Variants in AKAP9 observed in about 807,000 individuals in gnomAD.
The protein encoded by AKAP9 is A-kinase anchor protein 9.
In AKAP9, 311 loss-of-function variants were observed where a neutral mutation model predicts 488.5. That is an observed-to-expected ratio of 0.64 (90% CI 0.58 to 0.70). AKAP9 has a LOEUF of 0.70. Among genes scored for constraint, AKAP9 ranks in the 30% least tolerant of loss-of-function variants. The pLI is 0.00. For missense variants in AKAP9, 4,215 were observed against 4,374.5 expected, an observed-to-expected ratio of 0.96 and a Z score of 1.03; for synonymous variants, 1,462 against 1,483.5, an observed-to-expected ratio of 0.99 and a Z score of 0.33.
intron 37 of AKAP9, 27 bp downstream of exon 37, chr7:92,086,443 A>C: frequency 1.9e-6 from 3 of 1,553,234 alleles, no homozygotes; most frequent in Non-Finnish European, 2.7e-6. Context: ...TTTTAAAAAC[A>C]CTTTAATAGA....
rs1258257413 is a variant in AKAP9, at chr7:92,093,146, G to A, written c.9408G>A (p.Met3136Ile). The change falls in exon 39 of 50, where the codon ATG (methionine) becomes ATA (isoleucine). Residue 3136 changes from methionine (M) to isoleucine (I), a missense_variant. Met to Ile is a conservative substitution (Grantham distance 10). Transcript: ENST00000356239. ...IQQKQSQMLE[M>I]QVELSSMKDR... Reference sequence around the variant, plus strand: ...AGAAGCAGTCTCAAATGCTGGAGATGCAAGTGGAGCTCAGCAGTATGAAAG... The same window carrying A: ...AGAAGCAGTCTCAAATGCTGGAGATACAAGTGGAGCTCAGCAGTATGAAAG... The A allele has an allele frequency of 6.2e-7, 1 of 1,614,186 alleles. No individual in the cohort carries two copies. The highest frequency in any genetic ancestry group is 8.5e-7 in the Non-Finnish European group (1 of 1,180,032).
chr7:92,075,395 T>C (rs969842152), intron 28 of AKAP9, among the ~76,000 whole-genome samples: 2 of 152,378 alleles, frequency 1.3e-5, no homozygotes, highest in Non-Finnish European at 2.9e-5. Flanking sequence ...GAAGAAGATA[T>C]AATCATTGCA....
intron 1 of AKAP9, among the ~76,000 whole-genome samples, chr7:91,957,565 G>A (rs1335153360): frequency 6.6e-6 from 1 of 152,178 alleles, no homozygotes; most frequent in East Asian, 1.9e-4. Context: ...CTTATAGTTT[G>A]AAATGTATCA....
chr7:92,109,544 G>A (rs1819036376), intron 49 of AKAP9, among the ~76,000 whole-genome samples: 1 of 152,134 alleles, frequency 6.6e-6, no homozygotes, highest in African/African-American at 2.4e-5. Flanking sequence ...CCAACTTTGA[G>A]AGCACTTTAA....
At position 92,105,689 on chromosome 7, in the gene AKAP9, T is replaced by G. The variant is rs779122050; in HGVS notation, c.11342T>G (p.Leu3781Trp). ...VSIAISRMKF[L>W]VRRWHRVTGS... Reference sequence around the variant, plus strand: ...GGAATCTTTTTTAGAATGAAATTTTTGGTTCGACGGTGGCATCGAGTCACA... The same window carrying G: ...GGAATCTTTTTTAGAATGAAATTTTGGGTTCGACGGTGGCATCGAGTCACA... The change falls in exon 47 of 50, where the codon TTG becomes TGG. Residue 3781 changes from leucine to tryptophan, a missense_variant. By Grantham distance (61) the Leu-to-Trp change is moderately conservative (BLOSUM62 -2). Transcript: ENST00000356239. 2.5e-6 allele frequency: 4 copies of G among 1,614,024 alleles called. No individual in the cohort carries two copies. Among genetic ancestry groups the G allele is most frequent in the Non-Finnish European group, 3.4e-6 (4 of 1,179,846 alleles).
chr7:92,029,414 AG>A (rs1392571829), intron 14 of AKAP9, among the ~76,000 whole-genome samples: 2 of 152,232 alleles, frequency 1.3e-5, no homozygotes, highest in African/African-American at 4.8e-5. Context: ...GTATGTTAAA[AG>A]AAGTTTCTCA....
In AKAP9 at chr7:91,940,947, G is replaced by C; in HGVS notation, c.-153G>C. On this transcript the variant is annotated 5_prime_UTR_variant, in exon 1 of 50. Coordinates refer to ENST00000356239, the MANE Select transcript of AKAP9 (RefSeq NM_005751.5). ...TGAGGACGATCCGCCAGTGAGCGCG[G>C]AGACTGCTTCCACTTCGGGCGGGGG... 2 of 803,016 alleles carry C rather than the reference G, an allele frequency of 2.5e-6. No individual in the cohort carries two copies. The highest frequency in any genetic ancestry group is 1.5e-5 in the South Asian group (1 of 68,160). The allele number at this position is 803,016 out of a possible 1,614,324, so 49.7% of individuals were successfully genotyped here. A position where few individuals can be genotyped will look rare whatever the true frequency, so the allele number is the denominator to read the frequency against.
chr7:91,967,069 C>T (rs927125843), intron 1 of AKAP9, among the ~76,000 whole-genome samples: 1 of 151,552 alleles, frequency 6.6e-6, no homozygotes, highest in African/African-American at 2.4e-5. Context: ...ATTTTATATT[C>T]TTTGTAGCTA....
rs777074383 is a variant in AKAP9 at position 92,083,525 on chromosome 7, T to C, written c.8516T>C (p.Ile2839Thr). ...ATGCAAGAACTACATGCTGCTGAAA[T>C]TTTGGACATGGAATCCAGACATATT... ...EKMQELHAAE[I>T]LDMESRHISE... Residue 2839 changes from isoleucine (I) to threonine (T), a missense_variant, in exon 33 of 50, where the codon ATT (isoleucine) becomes ACT (threonine). Physicochemically the swap from Ile to Thr is moderately conservative, Grantham distance 89. Transcript: ENST00000356239. 1 of 1,604,826 alleles carries C rather than the reference T, an allele frequency of 6.2e-7. No individual in the cohort carries two copies. Among genetic ancestry groups the C allele is most frequent in the South Asian group, 1.1e-5 (1 of 89,368 alleles).
chr7:92,016,662 C>A (rs1185370111), intron 11 of AKAP9, among the ~76,000 whole-genome samples: 1 of 151,848 alleles, frequency 6.6e-6, no homozygotes, highest in Non-Finnish European at 1.5e-5. Flanking sequence ...ATATTAGTAT[C>A]TTTCTTAATA....
At chr7:91,994,875 T>C in intron 6 of AKAP9, 99 bp downstream of exon 6, 1 of 1,093,008 alleles carries the variant, frequency 9.1e-7, no homozygotes, top group Non-Finnish European at 1.3e-6. Flanking sequence ...AAAAGCCATT[T>C]CGTATTATAT....
At chr7:92,065,808 C>G (rs1212834126) in intron 25 of AKAP9, among the ~76,000 whole-genome samples, 2 of 152,118 alleles carry the variant, frequency 1.3e-5, no homozygotes, top group Non-Finnish European at 2.9e-5. Context: ...AATGGGCCAC[C>G]ACTGCTTCAC....
intron 1 of AKAP9, among the ~76,000 whole-genome samples, chr7:91,968,041 C>T (rs560971129): frequency 6.6e-5 from 10 of 152,074 alleles, no homozygotes; most frequent in African/African-American, 1.9e-4. Flanking sequence ...GGGCTCAAGC[C>T]GTCTTCCCAT....
chr7:92,081,201 A>G (rs1484441425), intron 31 of AKAP9, among the ~76,000 whole-genome samples: 1 of 152,112 alleles, frequency 6.6e-6, no homozygotes, highest in South Asian at 2.1e-4. Context: ...AATAATAAGT[A>G]TGAAAATATG....
At chr7:92,094,959 C>T in intron 39 of AKAP9, 64 bp from the exon 40 acceptor site, 1 of 1,497,734 alleles carries the variant, frequency 6.7e-7, no homozygotes, top group Non-Finnish European at 9.3e-7. Context: ...AGCTGTTTTT[C>T]TCTCTCTCAT....
At chr7:92,052,261 C>T (rs1159860609) in intron 21 of AKAP9, among the ~76,000 whole-genome samples, 1 of 143,974 alleles carries the variant, frequency 6.9e-6, no homozygotes, top group Non-Finnish European at 1.5e-5. Context: ...AAAATCCAAG[C>T]ACTTATTTCT....
In AKAP9 at chr7:92,102,601, A is replaced by T; in HGVS notation, c.11105A>T (p.Tyr3702Phe). The change falls in exon 46 of 50, where the codon TAT becomes TTT. Residue 3702 changes from tyrosine (Y) to phenylalanine (F), a missense_variant. Around this residue, in one of 5 missense-constraint regions of AKAP9, gnomAD observed 253 missense variants for 266.8 expected, o/e 0.95. Coordinates refer to ENST00000356239, the MANE Select transcript of AKAP9 (RefSeq NM_005751.5). ...DSEHVTLKRI[Y>F]GKYLRAESFR... ...TCTCTTCCCTAAATATAGAGAATTTATGGTAAATACTTGAGGGCAGAAAGT... is the reference window on the plus strand; with the variant it reads ...TCTCTTCCCTAAATATAGAGAATTTTTGGTAAATACTTGAGGGCAGAAAGT... The T allele has an allele frequency of 6.2e-7, 1 of 1,613,602 alleles. No homozygotes were observed. The highest frequency in any genetic ancestry group is 1.1e-5 in the South Asian group (1 of 91,074).
intron 1 of AKAP9, among the ~76,000 whole-genome samples, chr7:91,966,664 T>C (rs1180498666): frequency 6.6e-6 from 1 of 152,214 alleles, no homozygotes; most frequent in Non-Finnish European, 1.5e-5. Flanking sequence ...TGAATTTATA[T>C]CTGGGTTCTC....
chr7:92,014,403 A>G (rs1801213636), intron 10 of AKAP9, 75 bp downstream of exon 10: 1 of 1,080,476 alleles, frequency 9.3e-7, no homozygotes, highest in Admixed American at 1.9e-5. Flanking sequence ...TGGGAGGCTG[A>G]GGTGGTCAGA....
Sources: allele counts gnomAD v4.1 joint callset (sites outside exome capture counted in the v4.1 genomes callset), GRCh38; gene constraint gnomAD v4.1.1; regional missense constraint gnomAD v4.1.1; transcripts MANE v1.5; gene names NCBI Gene and HGNC (gene_info 2026-07-23, HGNC 2026-07-21).